Variants in LRBA observed in about 807,000 individuals in gnomAD.
The protein encoded by LRBA is LPS responsive beige-like anchor protein, also known as lipopolysaccharide-responsive and beige-like anchor protein.
LRBA carries 176 observed loss-of-function variants against 330.0 expected under a neutral mutation model. That is an observed-to-expected ratio of 0.53 (90% confidence interval 0.47 to 0.60). LRBA has a LOEUF of 0.60. Among genes scored for constraint, LRBA ranks in the 20% least tolerant of loss-of-function variants. The pLI is 0.00. For missense variants in LRBA, 3,259 were observed against 3,444.8 expected, an observed-to-expected ratio of 0.95 and a Z score of 1.35; for synonymous variants, 1,230 against 1,193.0, an observed-to-expected ratio of 1.03 and a Z score of -0.64.
chr4:150,947,352 T>G (rs1000554619), intron 2 of LRBA, among the ~76,000 whole-genome samples: 1 of 151,982 alleles, frequency 6.6e-6, no homozygotes, highest in African/African-American at 2.4e-5. Context: ...GTAGATTTTA[T>G]TCCAGGAATG....
intron 28 of LRBA, among the ~76,000 whole-genome samples, chr4:150,842,967 T>C (rs554827015): frequency 6.6e-6 from 1 of 152,232 alleles, no homozygotes; most frequent in Non-Finnish European, 1.5e-5. Flanking sequence ...CATTTATAAT[T>C]AGATTTTCAT....
intron 42 of LRBA, among the ~76,000 whole-genome samples, chr4:150,481,910 A>C (rs1757343686): frequency 6.6e-6 from 1 of 152,132 alleles, no homozygotes; most frequent in South Asian, 2.1e-4. Flanking sequence ...GTAAATGTGA[A>C]TATGTATGTT....
intron 52 of LRBA, among the ~76,000 whole-genome samples, chr4:150,305,517 G>A (rs1262961331): frequency 1.3e-5 from 2 of 152,156 alleles, no homozygotes; most frequent in Non-Finnish European, 2.9e-5. Flanking sequence ...CATGGTCCCT[G>A]CCCTCATAGC....
intron 47 of LRBA, among the ~76,000 whole-genome samples, chr4:150,401,207 G>A (rs1434106794): frequency 1.3e-5 from 2 of 152,330 alleles, no homozygotes; most frequent in East Asian, 1.9e-4. Flanking sequence ...CGCCTTCAGC[G>A]GGAGAATGGC....
chr4:150,394,415 CTTAAG>C (rs770880580), intron 47 of LRBA, among the ~76,000 whole-genome samples: 2 of 152,176 alleles, frequency 1.3e-5, no homozygotes, highest in South Asian at 2.1e-4. Flanking sequence ...AATTATGGTA[CTTAAG>C]TTAGAGTTGT....
At chr4:150,458,614 T>G (rs1038200826) in intron 44 of LRBA, among the ~76,000 whole-genome samples, 20 of 151,956 alleles carry the variant, frequency 1.3e-4, no homozygotes, top group Non-Finnish European at 2.9e-5. Context: ...CTTTCCAGGC[T>G]GTTTTCTCCA....
chr4:150,887,310 A>G (rs1325766312), intron 17 of LRBA, among the ~76,000 whole-genome samples: 1 of 152,196 alleles, frequency 6.6e-6, no homozygotes, highest in Non-Finnish European at 1.5e-5. Flanking sequence ...TCAAGTTTCT[A>G]TGCACAAACT....
chr4:150,725,253 G>C (rs79725422), intron 36 of LRBA, among the ~76,000 whole-genome samples: 2,157 of 152,002 alleles, frequency 0.014, 29 homozygotes, highest in Non-Finnish European at 0.023. Flanking sequence ...AGTAAAAGAA[G>C]CTTATAGAAC....
intron 36 of LRBA, among the ~76,000 whole-genome samples, chr4:150,731,714 G>A (rs549466528): frequency 3.3e-4 from 50 of 152,218 alleles, no homozygotes; most frequent in African/African-American, 8.9e-4. Flanking sequence ...AGGGTGTCAC[G>A]GGTAGGTGAC....
chr4:150,962,291 G>A (rs1283615432), intron 2 of LRBA, among the ~76,000 whole-genome samples: 1 of 148,688 alleles, frequency 6.7e-6, no homozygotes, highest in East Asian at 1.9e-4. Flanking sequence ...GCTGAGATAG[G>A]AGGATTGCTT....
chr4:150,649,673 C>T (rs563010628), intron 37 of LRBA, among the ~76,000 whole-genome samples: 2 of 152,200 alleles, frequency 1.3e-5, no homozygotes, highest in East Asian at 3.9e-4. Context: ...ATAAAGTTCA[C>T]TAGGAACTAT....
At chr4:150,526,866 G>A (rs1417688379) in intron 40 of LRBA, among the ~76,000 whole-genome samples, 1 of 152,002 alleles carries the variant, frequency 6.6e-6, no homozygotes, top group Non-Finnish European at 1.5e-5. Flanking sequence ...TTATCTATGT[G>A]TAAAAATCCT....
intron 17 of LRBA, among the ~76,000 whole-genome samples, chr4:150,875,410 C>T (rs1432878786): frequency 6.6e-6 from 1 of 152,192 alleles, no homozygotes; most frequent in Admixed American, 6.5e-5. Flanking sequence ...GTGCCCTTCT[C>T]CAGAGCATAG....
intron 47 of LRBA, among the ~76,000 whole-genome samples, chr4:150,412,413 T>C (rs1011064887): frequency 6.6e-6 from 1 of 152,210 alleles, no homozygotes; most frequent in Non-Finnish European, 1.5e-5. Flanking sequence ...CCAAATCTAC[T>C]TGTAAAGCAA....
In LRBA at chr4:150,807,639, T is replaced by C. The variant is rs932991689; in HGVS notation, c.5384+681A>G. Among the ~76,000 whole-genome samples the C allele has an allele frequency of 2.0e-5, 3 of 151,690 alleles. No homozygotes were observed. The East Asian group carries it at 5.8e-4, about 29-fold the overall frequency. ...ACTTATATCAGCATTTTGTTGTTGT[T>C]GTTGTTGTTGTTGTTGTTGTTGTTG... On this transcript the variant is annotated intron_variant, in intron 32 of 56. Transcript: ENST00000651943.
intron 37 of LRBA, among the ~76,000 whole-genome samples, chr4:150,611,268 G>A (rs1319896381): frequency 6.6e-6 from 1 of 152,144 alleles, no homozygotes; most frequent in Admixed American, 6.6e-5. Flanking sequence ...TTTTACATGT[G>A]ATCTCATTTA....
intron 47 of LRBA, among the ~76,000 whole-genome samples, chr4:150,383,107 A>T (rs966067091): frequency 2.6e-5 from 4 of 152,240 alleles, no homozygotes; most frequent in African/African-American, 9.6e-5. Flanking sequence ...TGGATGATTA[A>T]CATTAGCAAG....
At chr4:151,006,179 T>C (rs1211726523) in intron 2 of LRBA, among the ~76,000 whole-genome samples, 2 of 151,994 alleles carry the variant, frequency 1.3e-5, no homozygotes, top group African/African-American at 4.8e-5. Context: ...CCGTCTCTAC[T>C]AAAAATACAA....
In LRBA at chr4:150,984,366, G is replaced by A. The variant is rs571260814; in HGVS notation, c.216+30061C>T. ...CTCTACTAAAAATACAAAATTAGCC[G>A]GGCATGGTGGTGCATGCCTGTAATT... is the stretch of plus-strand genomic sequence containing the variant. On this transcript the variant is annotated intron_variant, in intron 2 of 56. Coordinates refer to ENST00000651943, the MANE Select transcript of LRBA (RefSeq NM_001364905.1). Among the ~76,000 whole-genome samples the A allele has an allele frequency of 4.2e-3, 633 of 152,136 alleles. 6 individuals carry two copies. Among genetic ancestry groups the A allele is most frequent in the Non-Finnish European group, 6.4e-3 (435 of 67,998 alleles).
Sources: allele counts gnomAD v4.1 joint callset (sites outside exome capture counted in the v4.1 genomes callset), GRCh38; gene constraint gnomAD v4.1.1; transcripts MANE v1.5; gene names NCBI Gene and HGNC (gene_info 2026-07-23, HGNC 2026-07-21).